Variants in ZCCHC7 observed in about 807,000 individuals in gnomAD.
ZCCHC7 encodes zinc finger CCHC domain-containing protein 7.
ZCCHC7 carries 35 observed loss-of-function variants against 52.0 expected under a neutral mutation model. The ratio of observed to expected loss-of-function variants is 0.67; its 90% CI spans 0.51 to 0.89. ZCCHC7 has a LOEUF of 0.89. ZCCHC7 is among the 40% of genes least tolerant of loss of function. The pLI, the probability that ZCCHC7 is intolerant of heterozygous loss-of-function variation, is 0.00. For missense variants in ZCCHC7, 574 were observed against 649.1 expected, an observed-to-expected ratio of 0.88 and a Z score of 1.26; for synonymous variants, 217 against 221.5, an observed-to-expected ratio of 0.98 and a Z score of 0.18.
chr9:37,120,846 C>G, intron 1 of ZCCHC7: 1 of 242,180 alleles, frequency 4.1e-6, no homozygotes, highest in East Asian at 7.4e-5. Context: ...CCCTGGCTTT[C>G]CAAGGGCTAA....
chr9:37,259,768 C>T (rs1826776073), intron 2 of ZCCHC7, among the ~76,000 whole-genome samples: 1 of 152,004 alleles, frequency 6.6e-6, no homozygotes, highest in African/African-American at 2.4e-5. Flanking sequence ...GTACAACTTC[C>T]AAGAAACCAA....
At chr9:37,272,810 T>A (rs1182626514) in intron 2 of ZCCHC7, among the ~76,000 whole-genome samples, 2 of 152,234 alleles carry the variant, frequency 1.3e-5, no homozygotes, top group Non-Finnish European at 2.9e-5. Flanking sequence ...CTGCATCCCA[T>A]AGGGTTTCCT....
At chr9:37,266,064 TAGAA>T (rs1475388539) in intron 2 of ZCCHC7, among the ~76,000 whole-genome samples, 2 of 152,214 alleles carry the variant, frequency 1.3e-5, no homozygotes, top group East Asian at 1.9e-4. Flanking sequence ...AGGTCAGACA[TAGAA>T]AGAAAAGAGT....
chr9:37,356,163 A>T (rs1821688551), intron 8 of ZCCHC7, among the ~76,000 whole-genome samples: 1 of 152,168 alleles, frequency 6.6e-6, no homozygotes, highest in Non-Finnish European at 1.5e-5. Context: ...ATCTTTAAAG[A>T]TTCTATTGAC....
intron 2 of ZCCHC7, among the ~76,000 whole-genome samples, chr9:37,151,694 A>C (rs1820539830): frequency 6.6e-6 from 1 of 152,094 alleles, no homozygotes; most frequent in Admixed American, 6.5e-5. Context: ...AATCTCAGCT[A>C]CTTGGGAGCC....
intron 2 of ZCCHC7, among the ~76,000 whole-genome samples, chr9:37,208,321 A>G (rs1392428441): frequency 1.3e-5 from 2 of 152,256 alleles, no homozygotes; most frequent in East Asian, 3.9e-4. Context: ...CCTGAGCTCA[A>G]TTGATCCACC....
intron 2 of ZCCHC7, among the ~76,000 whole-genome samples, chr9:37,252,196 A>G (rs1329409778): frequency 2.0e-5 from 3 of 152,170 alleles, no homozygotes; most frequent in East Asian, 3.8e-4. Flanking sequence ...AAACTGCCCT[A>G]GTATATCCCA....
chr9:37,258,470 T>C (rs1429342771), intron 2 of ZCCHC7, among the ~76,000 whole-genome samples: 1 of 152,064 alleles, frequency 6.6e-6, no homozygotes. Context: ...AAAATTATTC[T>C]AAGGAGCCAG....
rs1273543866 is a variant in ZCCHC7 at position 37,241,552 on chromosome 9, G to A, written c.611-60636G>A. Among the ~76,000 whole-genome samples, 6 of 151,958 alleles carry A rather than the reference G, an allele frequency of 3.9e-5. No individual in the cohort carries two copies. The East Asian group carries it at 1.2e-3, about 29-fold the overall frequency. ...GCTTTGATTTTTGCTGATTCAGGAA[G>A]TAAGGTTGACATTGGAGCTTCTCAT... On this transcript the variant is annotated intron_variant, in intron 2 of 8. Transcript: ENST00000336755.
chr9:37,145,695 A>G (rs1843401642), intron 2 of ZCCHC7, among the ~76,000 whole-genome samples: 1 of 151,934 alleles, frequency 6.6e-6, no homozygotes, highest in African/African-American at 2.4e-5. Context: ...TTTTAAAACT[A>G]CTTATTAGAT....
At chr9:37,164,498 T>TAGATAGACAGAC (rs755789110) in intron 2 of ZCCHC7, among the ~76,000 whole-genome samples, 71 of 134,998 alleles carry the variant, frequency 5.3e-4, no homozygotes, top group South Asian at 2.6e-3. Context: ...GATAGATAGA[T>TAGATAGACAGAC]AGACAGACAA....
chr9:37,272,977 C>T (rs1052217412), intron 2 of ZCCHC7, among the ~76,000 whole-genome samples: 3 of 152,180 alleles, frequency 2.0e-5, no homozygotes, highest in Admixed American at 2.0e-4. Flanking sequence ...TAAGGATATT[C>T]TTGTGCATAT....
chr9:37,210,722 G>A (rs1286586411), intron 2 of ZCCHC7, among the ~76,000 whole-genome samples: 2 of 152,056 alleles, frequency 1.3e-5, no homozygotes, highest in Non-Finnish European at 2.9e-5. Flanking sequence ...TATTCCACTG[G>A]TTTCTAAACA....
At chr9:37,209,595 T>C (rs1679255868) in intron 2 of ZCCHC7, among the ~76,000 whole-genome samples, 1 of 152,192 alleles carries the variant, frequency 6.6e-6, no homozygotes, top group Admixed American at 6.5e-5. Context: ...TGTATATATG[T>C]ATTTAATGGT....
intron 2 of ZCCHC7, among the ~76,000 whole-genome samples, chr9:37,167,768 C>A (rs1821505191): frequency 6.6e-6 from 1 of 152,160 alleles, no homozygotes; most frequent in South Asian, 2.1e-4. Context: ...ATGTTTGGGG[C>A]TAACTAATCC....
chr9:37,241,725 A>G (rs973454340), intron 2 of ZCCHC7, among the ~76,000 whole-genome samples: 6 of 151,794 alleles, frequency 4.0e-5, no homozygotes, highest in Non-Finnish European at 8.9e-5. Flanking sequence ...CCTGCTTTCT[A>G]TAGTATAGCT....
At chr9:37,186,602 T>A in intron 2 of ZCCHC7, 3 of 400,442 alleles carry the variant, frequency 7.5e-6, no homozygotes, top group Non-Finnish European at 1.4e-5. Context: ...GAAGTTTGCT[T>A]GCATTTTAAG....
chr9:37,321,953 T>A (rs1186301356), intron 5 of ZCCHC7, among the ~76,000 whole-genome samples: 1 of 152,138 alleles, frequency 6.6e-6, no homozygotes, highest in African/African-American at 2.4e-5. Flanking sequence ...ATTATTCCAA[T>A]ACCAAAGGGA....
chr9:37,120,536 G>C, upstream of ZCCHC7: 4 of 399,178 alleles, frequency 1.0e-5, no homozygotes, highest in Non-Finnish European at 1.8e-5. Context: ...GCGCGGACGC[G>C]GCCTCCTTAC....
Sources: allele counts gnomAD v4.1 joint callset (sites outside exome capture counted in the v4.1 genomes callset), GRCh38; gene constraint gnomAD v4.1.1; transcripts MANE v1.5; gene names NCBI Gene and HGNC (gene_info 2026-07-23, HGNC 2026-07-21).